Variants in TTN observed in about 807,000 individuals in gnomAD.
The protein encoded by TTN is titin, also known as connectin.
Under a neutral mutation model 3,223.0 loss-of-function variants are expected in TTN, and 1,525 were observed. The ratio of observed to expected loss-of-function variants is 0.47; its 90% CI spans 0.45 to 0.49. The LOEUF is 0.49. Ranked by LOEUF, TTN falls within the 20% of genes least tolerant of loss-of-function variation. The pLI, the probability that TTN is intolerant of heterozygous loss-of-function variation, is 0.00. For missense variants in TTN, 40,786 were observed against 43,424.0 expected (o/e 0.94, Z 5.40); for synonymous variants, 14,094 against 15,161.0 (o/e 0.93, Z 5.17).
Position 178,650,286 on chromosome 2 carries a change from G to A in TTN, c.39710-15C>T, listed in dbSNP as rs1057522986. 1.9e-6 allele frequency: 3 copies of A among 1,542,530 alleles called. No homozygotes were observed. Among genetic ancestry groups the A allele is most frequent in the Non-Finnish European group, 2.6e-6 (3 of 1,139,966 alleles). On this transcript the variant is annotated splice_polypyrimidine_tract_variant and intron_variant, in intron 209 of 362. Coordinates refer to ENST00000589042, the MANE Select transcript of TTN (RefSeq NM_001267550.2). Reference sequence around the variant, plus strand: ...TTCTTCATATACTTTAAAGATATTAGTTAATTTTATTTCAATGTATGGAAC... The same window carrying A: ...TTCTTCATATACTTTAAAGATATTAATTAATTTTATTTCAATGTATGGAAC...
chr2:178,766,395 G>A lies in TTN; in HGVS notation c.9689C>T (p.Thr3230Ile). The part of the protein sequence containing the change: ...FVAGRNRSSV[T>I]LYVNAPEPPQ... ...TCCCTACATACCATTGACATAGAGA[G>A]TGACAGAACTCCTGTTCCTTCCTGC... The change falls in exon 41 of 363, where the codon ACT becomes ATT. Residue 3230 changes from threonine to isoleucine, a missense_variant. Coordinates refer to ENST00000589042, the MANE Select transcript of TTN (RefSeq NM_001267550.2). 6.2e-7 allele frequency: 1 copy of A among 1,612,410 alleles called. No individual in the cohort carries two copies. Among genetic ancestry groups the A allele is most frequent in the Non-Finnish European group, 8.5e-7 (1 of 1,178,472 alleles).
Position 178,741,458 on chromosome 2 carries a change from C to T in TTN, c.11775G>A (p.Val3925=), listed in dbSNP as rs931107392. 6.2e-6 allele frequency: 10 copies of T among 1,613,692 alleles called. No homozygotes were observed. The Middle Eastern group carries it at 8.2e-4, about 133-fold the overall frequency. The change falls in exon 48 of 363, where the codon GTG becomes GTA. Residue 3925 remains valine (V), a synonymous_variant. Transcript: ENST00000589042. The stretch of plus-strand genomic sequence containing the variant: ...CTCCCAGCTTTTCCAGAGATTTTGC[C>T]ACTGCTGATTCTGTTTCAGTGTCTT... ...GHKDTETESA[V]AKSLEKLGGP...
intron 47 of TTN, chr2:178,749,359 G>T: frequency 6.2e-7 from 1 of 1,612,898 alleles, no homozygotes; most frequent in Non-Finnish European, 8.5e-7. Flanking sequence ...TGATGGGCTT[G>T]CTGATTTTTA....
chr2:178,601,657 C>A lies in TTN; in HGVS notation c.55432+1G>T. On this transcript the variant is annotated splice_donor_variant, in intron 286 of 362. Transcript: ENST00000589042. LOFTEE classifies it high-confidence loss of function. ...GTAGCAACTTTCAAAGTCTTTCTTACCCATGACTTTAACTCTGCAATTTGC... is the reference window on the plus strand; with the variant it reads ...GTAGCAACTTTCAAAGTCTTTCTTAACCATGACTTTAACTCTGCAATTTGC... 1 of 1,591,516 alleles carries A rather than the reference C, an allele frequency of 6.3e-7. No homozygotes were observed. Among genetic ancestry groups the A allele is most frequent in the Non-Finnish European group, 8.5e-7 (1 of 1,172,974 alleles).
Position 178,611,075 on chromosome 2 carries a change from G to C in TTN, c.51054C>G (p.Val17018=), listed in dbSNP as rs763573792. ...TGGTATAAATTCCGGCATCTGCACG[G>C]ACACTCTTGGGAACTTCAAGGTGTG... ...ISAHLEVPKS[V]RADAGIYTIT... Residue 17018 remains valine, a synonymous_variant, in exon 270 of 363, where the codon GTC becomes GTG. Coordinates refer to ENST00000589042, the MANE Select transcript of TTN (RefSeq NM_001267550.2). 3.7e-6 allele frequency: 6 copies of C among 1,612,830 alleles called. No individual in the cohort carries two copies. The South Asian group carries it at 6.6e-5, about 18-fold the overall frequency.
chr2:178,546,218 C>G lies in TTN; in HGVS notation c.95113G>C (p.Val31705Leu). ...GTKAVSVMVKVLDSPGPCGKL... is the reference protein window; with the variant it reads ...GTKAVSVMVKLLDSPGPCGKL... ...GAACATTTGACATGCTTACCAAGCA[C>G]TTTGACCATGACAGACACGGCCTTG... is the stretch of plus-strand genomic sequence containing the variant. The change falls in exon 342 of 363, where the codon GTG becomes CTG. Residue 31705 changes from valine to leucine, a missense_variant. Transcript: ENST00000589042. 1 of 1,608,144 alleles carries G rather than the reference C, an allele frequency of 6.2e-7. No homozygotes were observed. The highest frequency in any genetic ancestry group is 8.5e-7 in the Non-Finnish European group (1 of 1,175,978).
Position 178,707,629 on chromosome 2 carries a change from T to C in TTN, c.28938A>G (p.Val9646=), listed in dbSNP as rs761628992. The C allele has an allele frequency of 6.2e-7, 1 of 1,613,932 alleles. No individual in the cohort carries two copies. The highest frequency in any genetic ancestry group is 1.1e-5 in the South Asian group (1 of 91,086). Reference sequence around the variant, plus strand: ...CTTTAGCCACATCTCTGAGTTCCAGTACAGCTGTCCCACTAGCAAAGCTGA... The same window carrying C: ...CTTTAGCCACATCTCTGAGTTCCAGCACAGCTGTCCCACTAGCAAAGCTGA... The part of the protein sequence containing the change: ...CSFSFASGTA[V]LELRDVAKAD... The change falls in exon 100 of 363, where the codon GTA becomes GTG. Residue 9646 remains valine, a synonymous_variant. Coordinates refer to ENST00000589042, the MANE Select transcript of TTN (RefSeq NM_001267550.2).
In TTN at chr2:178,775,067, T is replaced by C. The variant is rs778552915; in HGVS notation, c.6644A>G (p.His2215Arg). The change falls in exon 29 of 363, where the codon CAT becomes CGT. Residue 2215 changes from histidine (H) to arginine (R), a missense_variant. By Grantham distance (29) the His-to-Arg change is conservative. Transcript: ENST00000589042. ...VKWYKDGMEV[H>R]EGDKYRMHSD... ...GTGCATCCTGTATTTATCTCCCTCA[T>C]GAACCTCCATACCATCTTTATACCA... 1 of 1,614,096 alleles carries C rather than the reference T, an allele frequency of 6.2e-7. No individual in the cohort carries two copies. The highest frequency in any genetic ancestry group is 2.2e-5 in the East Asian group (1 of 44,836).
chr2:178,764,148 G>A (rs2089922553), intron 43 of TTN, 29 bp downstream of exon 43: 2 of 1,614,000 alleles, frequency 1.2e-6, no homozygotes, highest in East Asian at 2.2e-5. Context: ...GTAAGTATTG[G>A]CAATGACACC....
In TTN at chr2:178,633,260, A is replaced by G. The variant is rs1277244282; in HGVS notation, c.43013T>C (p.Phe14338Ser). The G allele has an allele frequency of 6.2e-7, 1 of 1,613,360 alleles. No homozygotes were observed. The highest frequency in any genetic ancestry group is 1.7e-5 in the Admixed American group (1 of 59,986). The change falls in exon 233 of 363, where the codon TTT becomes TCT. Residue 14338 changes from phenylalanine (F) to serine (S), a missense_variant. Phe to Ser is a radical substitution (Grantham distance 155). Coordinates refer to ENST00000589042, the MANE Select transcript of TTN (RefSeq NM_001267550.2). ...ATCAGGTTCAGAAAGTTCAATTTCAAAGTGGGCTGTTTCACCAACAAACAC... is the reference window on the plus strand; with the variant it reads ...ATCAGGTTCAGAAAGTTCAATTTCAGAGTGGGCTGTTTCACCAACAAACAC... ...VEVFVGETAH[F>S]EIELSEPDVH...
chr2:178,528,099 T>C (rs1395269060), intron 361 of TTN, 175 bp downstream of exon 361: 9 of 719,498 alleles, frequency 1.3e-5, no homozygotes, highest in African/African-American at 7.2e-5. Context: ...CTATCCAAGT[T>C]TCTGTGTAGC....
In TTN at chr2:178,590,308, G is replaced by A; in HGVS notation, c.61417C>T (p.Pro20473Ser). 1 of 1,570,654 alleles carries A rather than the reference G, an allele frequency of 6.4e-7. No homozygotes were observed. Among genetic ancestry groups the A allele is most frequent in the African/African-American group, 1.4e-5 (1 of 73,768 alleles). The change falls in exon 304 of 363, where the codon CCT becomes TCT. Residue 20473 changes from proline to serine, a missense_variant. Physicochemically the swap from Pro to Ser is moderately conservative, Grantham distance 74. Coordinates refer to ENST00000589042, the MANE Select transcript of TTN (RefSeq NM_001267550.2). Reference protein sequence around the residue: ...ESVIAKDILHPPEVELDVTCR... With the variant: ...ESVIAKDILHSPEVELDVTCR... ...GTAACATCAAGTTCTACTTCTGGAG[G>A]ATGAAGGATATCTTTTGCAATCACA...
Position 178,654,227 on chromosome 2 carries a change from C to T in TTN, c.38361G>A (p.Pro12787=), listed in dbSNP as rs763249375. The change falls in exon 193 of 363, where the codon CCG becomes CCA. Residue 12787 remains proline, a synonymous_variant. Transcript: ENST00000589042. ...AAATACCTTTTGCACGTGGGGCTTC[C>T]GGTTTTTTGGGCACAGCCACAGATA... The part of the protein sequence containing the change: ...KKVSVAVPKK[P]EAPRAKVPEA... 65 of 1,597,856 alleles carry T rather than the reference C, an allele frequency of 4.1e-5. 1 individual carries two copies. The highest frequency in any genetic ancestry group is 1.7e-4 in the Middle Eastern group (1 of 5,998).
intron 1 of TTN, among the ~76,000 whole-genome samples, chr2:178,806,140 C>A (rs1409575328): frequency 2.6e-5 from 4 of 152,152 alleles, no homozygotes; most frequent in African/African-American, 9.6e-5. Context: ...AACCAGCATT[C>A]TCTGAGACAA....
At chr2:178,707,502 A>G in intron 100 of TTN, 24 bp downstream of exon 100, 1 of 1,597,392 alleles carries the variant, frequency 6.3e-7, no homozygotes. Flanking sequence ...CTTGAGCTGC[A>G]TAATACTTTT....
chr2:178,701,023 T>G, intron 111 of TTN, 97 bp downstream of exon 111: 5 of 1,042,512 alleles, frequency 4.8e-6, no homozygotes, highest in Non-Finnish European at 6.9e-6. Flanking sequence ...TTCCACCTCT[T>G]GACCACTAGA....
At position 178,714,300 on chromosome 2, in the gene TTN, G is replaced by A. The variant is rs2077128629; in HGVS notation, c.26474C>T (p.Ser8825Phe). Residue 8825 changes from serine to phenylalanine, a missense_variant, in exon 91 of 363, where the codon TCC becomes TTC. By Grantham distance (155) the Ser-to-Phe change is radical (BLOSUM62 -2). Transcript: ENST00000589042. The part of the protein sequence containing the change: ...AGMQECFATL[S>F]VLEPATIVEK... ...ATCATCTTTTTACTAACCGAGAACG[G>A]ATAGCGTGGCGAAGCACTCTTGCAT... The A allele has an allele frequency of 6.2e-7, 1 of 1,612,058 alleles. No homozygotes were observed. The highest frequency in any genetic ancestry group is 2.2e-5 in the East Asian group (1 of 44,848).
At chr2:178,730,821 A>C in intron 60 of TTN, 29 bp from the exon 61 acceptor site, 6 of 1,543,542 alleles carry the variant, frequency 3.9e-6, no homozygotes, top group Middle Eastern at 1.8e-4. Context: ...AACAACAACA[A>C]AAAAAGGTCA....
rs372739928 is a variant in TTN, at chr2:178,640,646, A to G, written c.40634-16T>C. On this transcript the variant is annotated splice_polypyrimidine_tract_variant and intron_variant, in intron 220 of 362. Coordinates refer to ENST00000589042, the MANE Select transcript of TTN (RefSeq NM_001267550.2). ...GGTTCTGGTACTTTAAGATAAGATT[A>G]TTTTTTCAGTGTTAATATTTGAATA... The G allele has an allele frequency of 7.7e-6, 12 of 1,550,592 alleles. No individual in the cohort carries two copies. The highest frequency in any genetic ancestry group is 9.6e-6 in the Non-Finnish European group (11 of 1,151,502).
Sources: gnomAD v4.1 joint callset for allele counts (sites outside exome capture counted in the v4.1 genomes callset) on GRCh38, gnomAD v4.1.1 for gene constraint, MANE v1.5 for transcripts, NCBI Gene and HGNC (gene_info 2026-07-23, HGNC 2026-07-21) for gene names.